HS3ST5: variants seen among roughly 807,000 people sequenced by gnomAD.
HS3ST5 encodes the protein heparan sulfate glucosamine 3-O-sulfotransferase 5.
In HS3ST5, 10 loss-of-function variants were observed where a neutral mutation model predicts 25.4. The observed-to-expected ratio is 0.39, with a 90% CI of 0.24 to 0.67. HS3ST5 has a LOEUF of 0.67. HS3ST5 is among the 30% of genes least tolerant of loss of function. The probability of loss-of-function intolerance (pLI) is 0.44; values close to 1 mark genes in which losing one functional copy is unlikely to be tolerated. For synonymous variants in HS3ST5, 170 were observed against 162.4 expected, an observed-to-expected ratio of 1.05 and a Z score of -0.36; for missense variants, 324 against 420.7, an observed-to-expected ratio of 0.77 and a Z score of 2.01.
chr6:114,230,010 G>GT (rs1359664341), intron 1 of HS3ST5: 1 of 151,766 alleles, frequency 6.6e-6, no homozygotes, highest in African/African-American at 2.4e-5. Context: ...GTGTTAAAAA[G>GT]TAAGTGCCAC....
At chr6:114,137,601 G>A (rs1456066807) in intron 3 of HS3ST5, among the ~76,000 whole-genome samples, 5 of 152,176 alleles carry the variant, frequency 3.3e-5, no homozygotes, top group Admixed American at 3.3e-4. Context: ...GTCAAGTTGT[G>A]TCTCTCCTGA....
intron 2 of HS3ST5, among the ~76,000 whole-genome samples, chr6:114,193,263 G>T (rs1407583930): frequency 6.6e-6 from 1 of 152,162 alleles, no homozygotes; most frequent in East Asian, 1.9e-4. Flanking sequence ...CACACACAGT[G>T]TTATGGGAGC....
At chr6:114,171,427 C>A (rs567224344) in intron 2 of HS3ST5, among the ~76,000 whole-genome samples, 22 of 152,262 alleles carry the variant, frequency 1.4e-4, no homozygotes, top group African/African-American at 5.1e-4. Context: ...CTCCTGCATC[C>A]ATTTGGATGG....
At chr6:114,104,803 G>A (rs780859073) in intron 3 of HS3ST5, among the ~76,000 whole-genome samples, 14 of 152,098 alleles carry the variant, frequency 9.2e-5, no homozygotes, top group East Asian at 1.9e-4. Flanking sequence ...TTTTTGTAGC[G>A]TTGTGTATCA....
intron 1 of HS3ST5, chr6:114,251,997 G>C (rs186455596): frequency 5.3e-5 from 8 of 152,194 alleles, no homozygotes; most frequent in East Asian, 1.9e-4. Flanking sequence ...CACCTAGGAG[G>C]GTACCTCACA....
intron 3 of HS3ST5, among the ~76,000 whole-genome samples, chr6:114,119,782 T>A (rs1293635709): frequency 6.6e-6 from 1 of 152,190 alleles, no homozygotes; most frequent in Non-Finnish European, 1.5e-5. Flanking sequence ...GTTTATCGAG[T>A]AACTACTGGG....
chr6:114,119,761 A>T (rs1288711172), intron 3 of HS3ST5, among the ~76,000 whole-genome samples: 1 of 152,248 alleles, frequency 6.6e-6, no homozygotes. Flanking sequence ...TCACCAATTC[A>T]TTCAACAAAT....
chr6:114,336,375 G>A (rs1218362617), intron 1 of HS3ST5, among the ~76,000 whole-genome samples: 6 of 152,206 alleles, frequency 3.9e-5, no homozygotes, highest in African/African-American at 1.2e-4. Flanking sequence ...TTGGGAGGCC[G>A]AGGTGAGCAG....
intron 1 of HS3ST5, among the ~76,000 whole-genome samples, chr6:114,273,033 C>T (rs938012996): frequency 4.0e-5 from 6 of 151,810 alleles, no homozygotes; most frequent in African/African-American, 1.2e-4. Context: ...AGGAGTGACA[C>T]GATTAAATTT....
intron 3 of HS3ST5, among the ~76,000 whole-genome samples, chr6:114,090,219 A>G (rs761800132): frequency 3.3e-5 from 5 of 152,202 alleles, no homozygotes; most frequent in Admixed American, 1.3e-4. Context: ...CAGGAAATCT[A>G]TGCACCTTAC....
chr6:114,306,254 T>C (rs868321020), intron 1 of HS3ST5, among the ~76,000 whole-genome samples: 6 of 112,736 alleles, frequency 5.3e-5, no homozygotes, highest in African/African-American at 2.1e-4. Context: ...TATATATATA[T>C]ATACACACAC....
intron 2 of HS3ST5, among the ~76,000 whole-genome samples, chr6:114,215,036 T>G (rs1582723833): frequency 1.3e-5 from 2 of 152,308 alleles, no homozygotes; most frequent in South Asian, 4.1e-4. Flanking sequence ...CCAGGCGCGG[T>G]GGCTCATGCC....
intron 3 of HS3ST5, among the ~76,000 whole-genome samples, chr6:114,096,803 AG>A (rs143306250): frequency 0.035 from 5,307 of 152,218 alleles, 137 homozygotes; most frequent in Non-Finnish European, 0.056. Context: ...CTATCACAGC[AG>A]GGGTAATAGA....
At chr6:114,073,348 A>C (rs1044073664) in intron 3 of HS3ST5, among the ~76,000 whole-genome samples, 1 of 152,230 alleles carries the variant, frequency 6.6e-6, no homozygotes, top group Non-Finnish European at 1.5e-5. Flanking sequence ...ATCAGAGTGA[A>C]CAGGCAACCT....
At chr6:114,101,929 C>G (rs1332595634) in intron 3 of HS3ST5, among the ~76,000 whole-genome samples, 1 of 152,102 alleles carries the variant, frequency 6.6e-6, no homozygotes, top group Non-Finnish European at 1.5e-5. Flanking sequence ...GGTCATTATC[C>G]TAAGCAAACC....
At chr6:114,159,548 G>A (rs1367031426) in intron 3 of HS3ST5, among the ~76,000 whole-genome samples, 1 of 152,126 alleles carries the variant, frequency 6.6e-6, no homozygotes, top group Non-Finnish European at 1.5e-5. Flanking sequence ...GTTATTAAGG[G>A]CTGGGAGGTG....
intron 3 of HS3ST5, among the ~76,000 whole-genome samples, chr6:114,067,455 C>T (rs1347612890): frequency 6.6e-6 from 1 of 152,208 alleles, no homozygotes; most frequent in Admixed American, 6.5e-5. Context: ...GACGAAAAAA[C>T]TGTCAGCATC....
rs1217141190 is a variant in HS3ST5 at position 114,056,919 on chromosome 6, C to A, written c.*338G>T. ...CATTGGTACATTTTCACACATTTAT[C>A]TTTTGGCTTAAATCTATGAAAATGG... On this transcript the variant is annotated 3_prime_UTR_variant, in exon 5 of 5. Coordinates refer to ENST00000312719, the MANE Select transcript of HS3ST5 (RefSeq NM_153612.4). 5.0e-6 allele frequency: 1 copy of A among 201,908 alleles called. No individual in the cohort carries two copies. The highest frequency in any genetic ancestry group is 9.9e-6 in the Non-Finnish European group (1 of 100,788). 12.5% of individuals were successfully genotyped at this position (201,908 alleles called of 1,614,324 possible). A position where few individuals can be genotyped will look rare whatever the true frequency, so the allele number is the denominator to read the frequency against.
chr6:114,111,424 C>T (rs1444794255), intron 3 of HS3ST5, among the ~76,000 whole-genome samples: 1 of 152,182 alleles, frequency 6.6e-6, no homozygotes, highest in African/African-American at 2.4e-5. Context: ...TTAGTGGAAA[C>T]ATTTGCATAT....
Sources: gnomAD v4.1 joint callset for allele counts (sites outside exome capture counted in the v4.1 genomes callset) on GRCh38, gnomAD v4.1.1 for gene constraint, MANE v1.5 for transcripts, NCBI Gene and HGNC (gene_info 2026-07-23, HGNC 2026-07-21) for gene names.